Variants in PPM1E observed in about 807,000 individuals in gnomAD.
PPM1E encodes the protein protein phosphatase 1E.
Under a neutral mutation model 65.9 loss-of-function variants are expected in PPM1E, and 20 were observed. The ratio of observed to expected loss-of-function variants is 0.30; its 90% CI spans 0.21 to 0.44. The LOEUF is 0.44. Among genes scored for constraint, PPM1E ranks in the 20% least tolerant of loss-of-function variants. PPM1E has a pLI of 1.00. For missense variants in PPM1E, 713 were observed against 953.1 expected, an observed-to-expected ratio of 0.75 and a Z score of 3.32; for synonymous variants, 352 against 374.9, an observed-to-expected ratio of 0.94 and a Z score of 0.70.
chr17:58,881,997 A>AAC (rs2051200719), intron 1 of PPM1E, among the ~76,000 whole-genome samples: 1 of 21,850 alleles, frequency 4.6e-5, no homozygotes, highest in East Asian at 8.6e-4. Context: ...CTGTCTCTAC[A>AAC]AAAAAAAAAA....
intron 1 of PPM1E, among the ~76,000 whole-genome samples, chr17:58,815,450 A>G (rs1362770857): frequency 6.6e-6 from 1 of 152,196 alleles, no homozygotes. Flanking sequence ...TCAGACTGTC[A>G]TTGCATCATT....
At chr17:58,846,525 G>T (rs2050773372) in intron 1 of PPM1E, among the ~76,000 whole-genome samples, 1 of 152,102 alleles carries the variant, frequency 6.6e-6, no homozygotes, top group South Asian at 2.1e-4. Flanking sequence ...GTGGTGTTTG[G>T]TTTTCTGTCC....
intron 1 of PPM1E, among the ~76,000 whole-genome samples, chr17:58,800,413 TA>T (rs894629290): frequency 6.6e-6 from 1 of 152,160 alleles, no homozygotes; most frequent in Non-Finnish European, 1.5e-5. Context: ...TTTCTTTTTG[TA>T]ATTTCTCCAG....
intron 1 of PPM1E, among the ~76,000 whole-genome samples, chr17:58,904,612 C>A (rs921660711): frequency 6.6e-5 from 10 of 152,110 alleles, no homozygotes; most frequent in African/African-American, 2.4e-4. Flanking sequence ...GGCATCTTGA[C>A]AATATTGAGT....
At chr17:58,906,757 G>A (rs1199453802) in intron 1 of PPM1E, among the ~76,000 whole-genome samples, 1 of 151,894 alleles carries the variant, frequency 6.6e-6, no homozygotes, top group Non-Finnish European at 1.5e-5. Flanking sequence ...GTTTCCTAAT[G>A]TGGAAACTTA....
intron 1 of PPM1E, among the ~76,000 whole-genome samples, chr17:58,898,940 T>C (rs1187625861): frequency 6.8e-6 from 1 of 146,662 alleles, no homozygotes; most frequent in Non-Finnish European, 1.5e-5. Flanking sequence ...TTCTCACTCA[T>C]AGGTGGGAAT....
chr17:58,853,999 G>C (rs1267630402), intron 1 of PPM1E, among the ~76,000 whole-genome samples: 2 of 152,164 alleles, frequency 1.3e-5, no homozygotes, highest in African/African-American at 4.8e-5. Flanking sequence ...CATTAAATCA[G>C]AGGATCACTG....
chr17:58,919,905 C>G (rs2051731215), intron 1 of PPM1E, among the ~76,000 whole-genome samples: 2 of 152,212 alleles, frequency 1.3e-5, no homozygotes, highest in South Asian at 4.1e-4. Context: ...AAGGACATAT[C>G]TTATCTGGCA....
rs1567903209 is a variant in PPM1E, at chr17:58,982,544, C to CAG, written c.*1516_*1517dup. 1 of 225,842 alleles carries CAG rather than the reference C, an allele frequency of 4.4e-6. No homozygotes were observed. Among genetic ancestry groups the CAG allele is most frequent in the Non-Finnish European group, 8.8e-6 (1 of 113,216 alleles). 14.0% of individuals were successfully genotyped at this position (225,842 alleles called of 1,614,324 possible). On this transcript the variant is annotated 3_prime_UTR_variant, in exon 7 of 7. Transcript: ENST00000308249. ...TAGTACACGTTCCCCAGGCCCATAA[C>CAG]AGAGGACTAAAATCTCTGAATTTTA...
At chr17:58,922,712 T>A (rs1365996669) in intron 1 of PPM1E, among the ~76,000 whole-genome samples, 1 of 145,038 alleles carries the variant, frequency 6.9e-6, no homozygotes, top group Non-Finnish European at 1.5e-5. Flanking sequence ...TGAGATGGAG[T>A]CTCACTCTGT....
intron 1 of PPM1E, among the ~76,000 whole-genome samples, chr17:58,847,807 GAA>G (rs2143247935): frequency 6.6e-6 from 1 of 152,262 alleles, no homozygotes; most frequent in South Asian, 2.1e-4. Flanking sequence ...ATACTGTGAA[GAA>G]AGTCATTGGT....
intron 1 of PPM1E, among the ~76,000 whole-genome samples, 197 bp downstream of exon 1, chr17:58,756,658 ACGCCCGCC>A (rs2049769524): frequency 6.7e-6 from 1 of 148,566 alleles, no homozygotes; most frequent in Non-Finnish European, 1.5e-5. Context: ...CTCGGCCCCC[ACGCCCGCC>A]TCGGCCCCCA....
intron 1 of PPM1E, among the ~76,000 whole-genome samples, chr17:58,821,729 A>G (rs1034428065): frequency 2.0e-5 from 3 of 152,170 alleles, no homozygotes; most frequent in Admixed American, 1.3e-4. Context: ...TTCTTTAACA[A>G]TGAAGAAACT....
chr17:58,765,934 G>A (rs2049870535), intron 1 of PPM1E, among the ~76,000 whole-genome samples: 2 of 146,796 alleles, frequency 1.4e-5, no homozygotes, highest in African/African-American at 2.5e-5. Context: ...AGGCTGGAGT[G>A]CAGTGGCCCA....
At chr17:58,862,978 G>T (rs2050958734) in intron 1 of PPM1E, among the ~76,000 whole-genome samples, 1 of 152,098 alleles carries the variant, frequency 6.6e-6, no homozygotes, top group Non-Finnish European at 1.5e-5. Context: ...GGGTTGATTT[G>T]CTTATTCAAA....
chr17:58,857,595 A>G (rs1314038962), intron 1 of PPM1E, among the ~76,000 whole-genome samples: 1 of 152,144 alleles, frequency 6.6e-6, no homozygotes, highest in Non-Finnish European at 1.5e-5. Flanking sequence ...TTTATTATCT[A>G]TCCAAATCAT....
chr17:58,903,644 T>A (rs1307351287), intron 1 of PPM1E, among the ~76,000 whole-genome samples: 1 of 152,166 alleles, frequency 6.6e-6, no homozygotes, highest in African/African-American at 2.4e-5. Flanking sequence ...CCCACAGACA[T>A]AAACGTACCA....
intron 1 of PPM1E, among the ~76,000 whole-genome samples, chr17:58,915,907 T>A (rs1321680283): frequency 6.6e-6 from 1 of 152,204 alleles, no homozygotes; most frequent in Non-Finnish European, 1.5e-5. Flanking sequence ...TTCACTTAAC[T>A]CAATTTTCTC....
At chr17:58,966,065 G>A (rs1195591770) in intron 3 of PPM1E, 172 bp downstream of exon 3, 16 of 668,496 alleles carry the variant, frequency 2.4e-5, no homozygotes, top group South Asian at 1.7e-4. Flanking sequence ...ACTATTTTAC[G>A]TTCTTTTGAA....
Sources: allele counts gnomAD v4.1 joint callset (sites outside exome capture counted in the v4.1 genomes callset), GRCh38; gene constraint gnomAD v4.1.1; transcripts MANE v1.5; gene names NCBI Gene and HGNC (gene_info 2026-07-23, HGNC 2026-07-21).